The following PALM variants were observed in gnomAD, a reference collection of about 807,000 sequenced individuals.
PALM encodes paralemmin.
In PALM, 18 loss-of-function variants were observed where a neutral mutation model predicts 30.7. The ratio of observed to expected loss-of-function variants is 0.59; its 90% confidence interval spans 0.41 to 0.87. The LOEUF is 0.87. Among genes scored for constraint, PALM ranks in the 40% least tolerant of loss-of-function variants. The pLI is 0.00. For missense variants in PALM, 529 were observed against 555.4 expected, an observed-to-expected ratio of 0.95 and a Z score of 0.48; for synonymous variants, 286 against 242.8, an observed-to-expected ratio of 1.18 and a Z score of -1.66.
At chr19:724,391 G>A (rs1441543677) in intron 1 of PALM, among the ~76,000 whole-genome samples, 2 of 151,940 alleles carry the variant, frequency 1.3e-5, no homozygotes, top group Non-Finnish European at 2.9e-5. Flanking sequence ...GCGCGATCTC[G>A]GCTCATGCAA....
rs376307035 is a variant in PALM, at chr19:746,480, A to G, written c.830A>G (p.Gln277Arg). The change falls in exon 9 of 9, where the codon CAG becomes CGG. Residue 277 changes from glutamine (Q) to arginine (R), a missense_variant. Gln to Arg is a conservative substitution (Grantham distance 43). Coordinates refer to ENST00000338448, the MANE Select transcript of PALM (RefSeq NM_002579.3). This position sits in a 1 kb window ranked among gnomAD's most constrained non-coding sequence, Gnocchi z 7.1. ...TPSRREITGV[Q>R]AQPGEATSGP... The stretch of plus-strand genomic sequence containing the variant: ...TCCCGGCGGGAGATCACCGGTGTGC[A>G]GGCACAGCCAGGCGAGGCCACGTCC... 7 of 1,610,246 alleles carry G rather than the reference A, an allele frequency of 4.3e-6. No individual in the cohort carries two copies. The highest frequency in any genetic ancestry group is 1.7e-4 in the Middle Eastern group (1 of 6,052).
chr19:713,123 G>A (rs902311041), intron 1 of PALM, among the ~76,000 whole-genome samples: 1 of 152,028 alleles, frequency 6.6e-6, no homozygotes, highest in Non-Finnish European at 1.5e-5. Flanking sequence ...CTAAGCCGCC[G>A]GGGACAGGGG....
chr19:716,561 A>T (rs550954951), intron 1 of PALM, among the ~76,000 whole-genome samples: 10 of 152,224 alleles, frequency 6.6e-5, no homozygotes, highest in Admixed American at 3.3e-4. Context: ...GGAGGCAGAG[A>T]TGCGGGACCC....
chr19:719,035 C>A, intron 1 of PALM: 1 of 799,918 alleles, frequency 1.3e-6, no homozygotes, highest in Non-Finnish European at 1.5e-6. Context: ...GTGACTCCCC[C>A]ACCCCCCACA....
intron 5 of PALM, among the ~76,000 whole-genome samples, chr19:732,256 T>C (rs1338500785): frequency 1.3e-5 from 2 of 152,218 alleles, no homozygotes; most frequent in Non-Finnish European, 2.9e-5. Flanking sequence ...AAGCCCTTCC[T>C]GTGGGAACAG....
intron 7 of PALM, among the ~76,000 whole-genome samples, chr19:737,848 G>A (rs1435531670): frequency 6.6e-6 from 1 of 152,164 alleles, no homozygotes; most frequent in Admixed American, 6.5e-5. Context: ...AGGGGCGGGA[G>A]GGGACGTGGG....
In PALM at chr19:727,216, C is replaced by G. The variant is rs1157759930; in HGVS notation, c.138+128C>G. 2.6e-5 allele frequency: 17 copies of G among 649,620 alleles called. No individual in the cohort carries two copies. The African/African-American group carries it at 2.8e-4, about 11-fold the overall frequency. 40.2% of individuals were successfully genotyped at this position (649,620 alleles called of 1,614,324 possible). A position where few individuals can be genotyped will look rare whatever the true frequency, so the allele number is the denominator to read the frequency against. On this transcript the variant is annotated intron_variant, in intron 3 of 8. Transcript: ENST00000338448. ...ACCCTGACCCTGCCTCCAGCCCTGA[C>G]CCTGACCCCGACCCTGACCCCGACC...
At chr19:720,614 G>A (rs2032443077) in intron 1 of PALM, among the ~76,000 whole-genome samples, 1 of 148,142 alleles carries the variant, frequency 6.8e-6, no homozygotes, top group Non-Finnish European at 1.5e-5. Flanking sequence ...GGTCTGGGGA[G>A]GGGCGAGGGG....
intron 4 of PALM, among the ~76,000 whole-genome samples, chr19:730,555 G>T (rs999605798): frequency 6.6e-6 from 1 of 152,200 alleles, no homozygotes; most frequent in Non-Finnish European, 1.5e-5. Flanking sequence ...CATAAACAGC[G>T]CAGGCCAGGG....
At position 746,916 on chromosome 19, in the gene PALM, A is replaced by G; in HGVS notation, c.*102A>G. The G allele has an allele frequency of 1.5e-6, 1 of 683,360 alleles. No homozygotes were observed. The highest frequency in any genetic ancestry group is 1.9e-5 in the South Asian group (1 of 52,202). The allele number at this position is 683,360 out of a possible 1,614,324, so 42.3% of individuals were successfully genotyped here. ...CCTCCACCCACAGCCTCACGGGTCC[A>G]GGACTTGGCGTGTTGTTACATGTTC... is the stretch of plus-strand genomic sequence containing the variant. On this transcript the variant is annotated 3_prime_UTR_variant, in exon 9 of 9. Transcript: ENST00000338448. This position sits in a 1 kb window ranked among gnomAD's most constrained non-coding sequence, Gnocchi z 7.1.
chr19:713,764 T>A (rs938757278), intron 1 of PALM, among the ~76,000 whole-genome samples: 1 of 152,068 alleles, frequency 6.6e-6, no homozygotes, highest in Non-Finnish European at 1.5e-5. Flanking sequence ...ATATTTTTAG[T>A]AGAGACGGGG....
chr19:711,410 T>C (rs1268988401), intron 1 of PALM, among the ~76,000 whole-genome samples: 2 of 152,178 alleles, frequency 1.3e-5, no homozygotes, highest in East Asian at 3.9e-4. Context: ...GAGAACAGAC[T>C]TGGGCCTGGA....
intron 2 of PALM, among the ~76,000 whole-genome samples, chr19:726,440 G>A (rs998363458): frequency 6.6e-6 from 1 of 152,162 alleles, no homozygotes; most frequent in African/African-American, 2.4e-5. Flanking sequence ...GCATTCCCTG[G>A]AACCCTGCCC....
chr19:727,182 C>A, intron 3 of PALM, 94 bp downstream of exon 3: 1 of 798,402 alleles, frequency 1.3e-6, no homozygotes, highest in Non-Finnish European at 2.1e-6. Flanking sequence ...TGACCCCAAT[C>A]CCAACCTGAC....
At chr19:725,127 T>C (rs898536756) in intron 1 of PALM, among the ~76,000 whole-genome samples, 2 of 150,316 alleles carry the variant, frequency 1.3e-5, no homozygotes, top group African/African-American at 2.4e-5. Flanking sequence ...GGTTTTGCCA[T>C]GTTGGCCAGG....
chr19:709,749 T>A lies in PALM; in HGVS notation c.5+598T>A, dbSNP rs1479923692. 2.0e-5 allele frequency among the ~76,000 whole-genome samples: 3 copies of A among 151,226 alleles called. No homozygotes were observed. Among genetic ancestry groups the A allele is most frequent in the African/African-American group, 7.3e-5 (3 of 41,052 alleles). On this transcript the variant is annotated intron_variant, in intron 1 of 8. Coordinates refer to ENST00000338448, the MANE Select transcript of PALM (RefSeq NM_002579.3). The surrounding 1 kb of genome is among the most constrained non-coding windows in gnomAD (Gnocchi z 4.3). Reference sequence around the variant, plus strand: ...CCCTCGGCTTCCCGGGTCTCTGGGGTGTGTGAGAAGGGAGAGGAACCGGCG... The same window carrying A: ...CCCTCGGCTTCCCGGGTCTCTGGGGAGTGTGAGAAGGGAGAGGAACCGGCG...
chr19:747,759 G>T lies in PALM; in HGVS notation c.*945G>T. ...TGGGCTTGGAGCACGTCCGGGCAGT[G>T]GAGGGAGGGACACAGCCTGGGACAG... On this transcript the variant is annotated 3_prime_UTR_variant, in exon 9 of 9. Transcript: ENST00000338448. 1 of 152,906 alleles carries T rather than the reference G, an allele frequency of 6.5e-6. No individual in the cohort carries two copies. Among genetic ancestry groups the T allele is most frequent in the Non-Finnish European group, 1.5e-5 (1 of 68,296 alleles). The allele number at this position is 152,906 out of a possible 1,614,324, so 9.5% of individuals were successfully genotyped here.
At chr19:724,486 A>G (rs1253982647) in intron 1 of PALM, among the ~76,000 whole-genome samples, 1 of 151,754 alleles carries the variant, frequency 6.6e-6, no homozygotes, top group African/African-American at 2.4e-5. Context: ...CGCCTGGCTA[A>G]TTTTTGTATT....
chr19:726,985 A>ACGCCCCCC, intron 2 of PALM, 23 bp from the exon 3 acceptor site: 4 of 945,366 alleles, frequency 4.2e-6, no homozygotes, highest in Non-Finnish European at 1.6e-6. Flanking sequence ...CCCATCCCTG[A>ACGCCCCCC]CCCCACCCGG....
Sources: gnomAD v4.1 joint callset for allele counts (sites outside exome capture counted in the v4.1 genomes callset) on GRCh38, gnomAD v4.1.1 for gene constraint, Gnocchi (gnomAD v3.1) non-coding constraint, MANE v1.5 for transcripts, NCBI Gene and HGNC (gene_info 2026-07-23, HGNC 2026-07-21) for gene names.